Variants in SGPP2 observed in about 807,000 individuals in gnomAD.
SGPP2 encodes sphingosine-1-phosphate phosphatase 2.
Under a neutral mutation model 33.9 loss-of-function variants are expected in SGPP2, and 30 were observed. The ratio of observed to expected loss-of-function variants is 0.89; its 90% CI spans 0.66 to 1.20. SGPP2 has a LOEUF of 1.20. SGPP2 is among the 50% of genes most tolerant of loss of function. The probability of loss-of-function intolerance (pLI) is 0.00; values close to 1 mark genes in which losing one functional copy is unlikely to be tolerated. For missense variants in SGPP2, 458 were observed against 532.1 expected, an observed-to-expected ratio of 0.86 and a Z score of 1.37; for synonymous variants, 233 against 225.0, an observed-to-expected ratio of 1.04 and a Z score of -0.32.
In SGPP2 at chr2:222,480,842, G is replaced by A. The variant is rs145938350; in HGVS notation, c.378+6116G>A. Among the ~76,000 whole-genome samples the A allele has an allele frequency of 1.0e-3, 155 of 152,262 alleles. 2 individuals carry two copies. The highest frequency in any genetic ancestry group is 3.7e-3 in the African/African-American group (153 of 41,546). On this transcript the variant is annotated intron_variant, in intron 2 of 4. Coordinates refer to ENST00000321276, the MANE Select transcript of SGPP2 (RefSeq NM_152386.4). ...ATTCATTGCAGCACTATTCACAATA[G>A]CAAAGTCATGGAATTAACCTAAATG... is the stretch of plus-strand genomic sequence containing the variant.
At chr2:222,445,541 A>C (rs1697385907) in intron 1 of SGPP2, among the ~76,000 whole-genome samples, 1 of 152,192 alleles carries the variant, frequency 6.6e-6, no homozygotes, top group South Asian at 2.1e-4. Flanking sequence ...GAGAAGGAGA[A>C]TAGCCATGGT....
chr2:222,507,485 G>A (rs35115486), intron 2 of SGPP2, among the ~76,000 whole-genome samples: 1 of 152,106 alleles, frequency 6.6e-6, no homozygotes, highest in South Asian at 2.1e-4. Flanking sequence ...TAAAGCTAAA[G>A]GTTTTGATCT....
At chr2:222,552,354 G>A (rs1288532730) in intron 4 of SGPP2, among the ~76,000 whole-genome samples, 3 of 152,258 alleles carry the variant, frequency 2.0e-5, no homozygotes, top group Admixed American at 1.3e-4. Flanking sequence ...CCTGTTCACC[G>A]AATCCAAGCC....
At chr2:222,478,437 G>C (rs967890241) in intron 2 of SGPP2, among the ~76,000 whole-genome samples, 3 of 152,072 alleles carry the variant, frequency 2.0e-5, no homozygotes, top group Non-Finnish European at 2.9e-5. Flanking sequence ...TGGGAGCCTG[G>C]GGTGGTTAAG....
rs184800600 is a variant in SGPP2 at position 222,456,992 on chromosome 2, C to T, written c.220-17576C>T. Reference sequence around the variant, plus strand: ...ACTCTCATGGTTAAACTCATTAAGCCCTACCCTCCCCAAGTTCCATTTAAG... The same window carrying T: ...ACTCTCATGGTTAAACTCATTAAGCTCTACCCTCCCCAAGTTCCATTTAAG... On this transcript the variant is annotated intron_variant, in intron 1 of 4. Transcript: ENST00000321276. Among the ~76,000 whole-genome samples the T allele has an allele frequency of 2.5e-3, 384 of 152,076 alleles. 2 individuals are homozygous for T. Among genetic ancestry groups the T allele is most frequent in the African/African-American group, 8.9e-3 (370 of 41,484 alleles).
intron 4 of SGPP2, among the ~76,000 whole-genome samples, chr2:222,534,062 A>C (rs13385240): frequency 0.44 from 67,175 of 152,006 alleles, 17,449 homozygotes; most frequent in East Asian, 0.81. Context: ...CAGGGCAGAC[A>C]AAGTCCCATG....
In SGPP2 at chr2:222,424,689, A is replaced by T; in HGVS notation, c.87A>T (p.Glu29Asp). Residue 29 changes from glutamate to aspartate, a missense_variant, in exon 1 of 5, where the codon GAA becomes GAT. By Grantham distance (45) the Glu-to-Asp change is conservative. Transcript: ENST00000321276. The stretch of plus-strand genomic sequence containing the variant: ...GCGGGCTCTTCCCCGCTCCGGATGA[A>T]GGCCCCCGGGAGAACGGCGCGGACC... ...RRCGLFPAPD[E>D]GPRENGADPT... 6.9e-7 allele frequency: 1 copy of T among 1,450,420 alleles called. No individual in the cohort carries two copies. The highest frequency in any genetic ancestry group is 9.1e-7 in the Non-Finnish European group (1 of 1,103,528). The allele number at this position is 1,450,420 out of a possible 1,614,324, so 89.8% of individuals were successfully genotyped here.
At chr2:222,478,856 T>G (rs922281771) in intron 2 of SGPP2, among the ~76,000 whole-genome samples, 2 of 152,228 alleles carry the variant, frequency 1.3e-5, no homozygotes, top group Non-Finnish European at 2.9e-5. Context: ...ATTGTACATC[T>G]TTTGTTGCTT....
chr2:222,491,961 G>A (rs58643485), intron 2 of SGPP2, among the ~76,000 whole-genome samples: 5,774 of 152,232 alleles, frequency 0.038, 355 homozygotes, highest in African/African-American at 0.13. Flanking sequence ...TACAGACCCC[G>A]TGCATGTCTA....
chr2:222,542,998 C>A lies in SGPP2; in HGVS notation c.649-15349C>A, dbSNP rs947450618. 1.3e-5 allele frequency among the ~76,000 whole-genome samples: 2 copies of A among 152,106 alleles called. 1 individual carries two copies. Among genetic ancestry groups the A allele is most frequent in the South Asian group, 4.1e-4 (2 of 4,826 alleles). The stretch of plus-strand genomic sequence containing the variant: ...TAGAGATGAGGTCTCGCTATGTCAC[C>A]TAAGCTGGAGCTTTTCCTACTCTGT... On this transcript the variant is annotated intron_variant, in intron 4 of 4. Transcript: ENST00000321276.
At chr2:222,539,229 C>T (rs558473961) in intron 4 of SGPP2, among the ~76,000 whole-genome samples, 106 of 152,242 alleles carry the variant, frequency 7.0e-4, no homozygotes, top group African/African-American at 2.5e-3. Flanking sequence ...AGAAAGGGGC[C>T]GCAGTCTGGC....
rs777269779 is a variant in SGPP2 at position 222,524,947 on chromosome 2, C to T, written c.562C>T (p.Pro188Ser). 3 of 1,613,528 alleles carry T rather than the reference C, an allele frequency of 1.9e-6. No individual in the cohort carries two copies. The South Asian group carries it at 3.3e-5, about 18-fold the overall frequency. Residue 188 changes from proline (P) to serine (S), a missense_variant, in exon 4 of 5, where the codon CCA (proline) becomes TCA (serine). Pro to Ser is a moderately conservative substitution (Grantham distance 74, BLOSUM62 -1). Transcript: ENST00000321276. ...GTTTTTTCTCCTTCCCCCACAGTAT[C>T]CATTTGTGTTGGGACTGGTGATGGC... ...LISTMDRYQY[P>S]FVLGLVMAVV...
At chr2:222,490,698 G>T (rs1698184252) in intron 2 of SGPP2, among the ~76,000 whole-genome samples, 2 of 151,288 alleles carry the variant, frequency 1.3e-5, no homozygotes, top group African/African-American at 4.9e-5. Context: ...TTTCATCTTG[G>T]CCTCTCACAG....
intron 4 of SGPP2, among the ~76,000 whole-genome samples, chr2:222,548,837 A>G (rs1484768233): frequency 6.6e-6 from 1 of 152,228 alleles, no homozygotes; most frequent in African/African-American, 2.4e-5. Flanking sequence ...TTTGGCTGCT[A>G]TTGAATCTCA....
chr2:222,480,335 TTC>T (rs1220847051), intron 2 of SGPP2, among the ~76,000 whole-genome samples: 3 of 152,234 alleles, frequency 2.0e-5, no homozygotes. Flanking sequence ...AAGCCTCATT[TTC>T]TCTGTTTTAT....
chr2:222,457,736 G>A (rs946537719), intron 1 of SGPP2, among the ~76,000 whole-genome samples: 11 of 152,152 alleles, frequency 7.2e-5, no homozygotes, highest in Admixed American at 5.9e-4. Flanking sequence ...CTATGTTCCC[G>A]CATGAACAGC....
chr2:222,432,736 G>T (rs2106057635), intron 1 of SGPP2, among the ~76,000 whole-genome samples: 1 of 152,230 alleles, frequency 6.6e-6, no homozygotes. Flanking sequence ...CTGTAGAAAA[G>T]ATAGGCCAGA....
chr2:222,458,160 C>A (rs1697600603), intron 1 of SGPP2, among the ~76,000 whole-genome samples: 1 of 152,054 alleles, frequency 6.6e-6, no homozygotes. Flanking sequence ...GTGATCCTCC[C>A]ACCTCAGCCT....
intron 2 of SGPP2, among the ~76,000 whole-genome samples, chr2:222,501,346 C>A (rs1047047287): frequency 2.0e-5 from 3 of 152,008 alleles, no homozygotes; most frequent in Non-Finnish European, 2.9e-5. Flanking sequence ...GAGTGATCAC[C>A]ACTTAGATCT....
Sources: gnomAD v4.1 joint callset for allele counts (sites outside exome capture counted in the v4.1 genomes callset) on GRCh38, gnomAD v4.1.1 for gene constraint, MANE v1.5 for transcripts, NCBI Gene and HGNC (gene_info 2026-07-23, HGNC 2026-07-21) for gene names.